The following SHISA6 variants were observed in gnomAD, a reference collection of about 807,000 sequenced individuals.
SHISA6 encodes protein shisa-6.
In SHISA6, 22 loss-of-function variants were observed where a neutral mutation model predicts 47.9. That is an observed-to-expected ratio of 0.46 (90% CI 0.33 to 0.66). SHISA6 has a LOEUF of 0.66. Among genes scored for constraint, SHISA6 ranks in the 30% least tolerant of loss-of-function variants. The probability of loss-of-function intolerance (pLI) is 0.02; values close to 1 mark genes in which losing one functional copy is unlikely to be tolerated. For synonymous variants in SHISA6, 388 were observed against 337.8 expected (o/e 1.15, Z -1.63); for missense variants, 680 against 764.6 (o/e 0.89, Z 1.30).
At chr17:11,244,469 G>C (rs1051642154) in intron 1 of SHISA6, among the ~76,000 whole-genome samples, 13 of 152,220 alleles carry the variant, frequency 8.5e-5, no homozygotes, top group South Asian at 2.1e-4. Flanking sequence ...TTGCTTCCGG[G>C]GCACGTCAGG....
At chr17:11,342,598 G>A (rs959388768) in intron 2 of SHISA6, among the ~76,000 whole-genome samples, 3 of 152,202 alleles carry the variant, frequency 2.0e-5, no homozygotes, top group African/African-American at 7.2e-5. Context: ...TTTCCCATTA[G>A]CAGAGCAGTA....
intron 3 of SHISA6, among the ~76,000 whole-genome samples, chr17:11,465,891 A>G (rs1302171032): frequency 6.6e-6 from 1 of 152,148 alleles, no homozygotes; most frequent in African/African-American, 2.4e-5. Flanking sequence ...TTGAGAATAG[A>G]GACTCAGTAG....
At chr17:11,435,480 C>G (rs961424198) in intron 3 of SHISA6, among the ~76,000 whole-genome samples, 2 of 151,964 alleles carry the variant, frequency 1.3e-5, no homozygotes, top group African/African-American at 4.8e-5. Flanking sequence ...ATTCAGAAAA[C>G]AGAGCTTATA....
intron 3 of SHISA6, among the ~76,000 whole-genome samples, chr17:11,528,905 T>C (rs1326821643): frequency 6.6e-6 from 1 of 152,158 alleles, no homozygotes; most frequent in Non-Finnish European, 1.5e-5. Context: ...GAAAATAGTC[T>C]TAAATGGCCG....
intron 2 of SHISA6, among the ~76,000 whole-genome samples, chr17:11,297,655 C>T (rs1909796506): frequency 1.3e-5 from 2 of 152,198 alleles, no homozygotes; most frequent in South Asian, 4.1e-4. Context: ...CTGGGCAATA[C>T]AGCCTTTGTT....
At chr17:11,523,792 G>A (rs1276912171) in intron 3 of SHISA6, among the ~76,000 whole-genome samples, 2 of 152,084 alleles carry the variant, frequency 1.3e-5, no homozygotes, top group Non-Finnish European at 2.9e-5. Flanking sequence ...GATCACCTGA[G>A]GTCAGGAGTT....
intron 3 of SHISA6, among the ~76,000 whole-genome samples, chr17:11,410,727 T>G (rs1420313944): frequency 1.3e-5 from 2 of 152,136 alleles, no homozygotes; most frequent in African/African-American, 4.8e-5. Flanking sequence ...GTTGTCAAAG[T>G]GTGGTCCCTG....
chr17:11,490,473 G>T (rs1405679413), intron 3 of SHISA6, among the ~76,000 whole-genome samples: 1 of 152,102 alleles, frequency 6.6e-6, no homozygotes, highest in Admixed American at 6.5e-5. Flanking sequence ...GAGCAGGGAG[G>T]AATGAGGCCT....
chr17:11,271,996 G>C (rs192731183), intron 2 of SHISA6, among the ~76,000 whole-genome samples: 13 of 151,526 alleles, frequency 8.6e-5, no homozygotes, highest in Non-Finnish European at 1.8e-4. Context: ...TTCTCTCCCC[G>C]ACAGCCAAAC....
intron 3 of SHISA6, among the ~76,000 whole-genome samples, chr17:11,514,548 T>C (rs2071566778): frequency 6.6e-6 from 1 of 152,202 alleles, no homozygotes. Flanking sequence ...CATCTCTGCT[T>C]TCAGCCTCAT....
chr17:11,436,076 A>G (rs1348907482), intron 3 of SHISA6, among the ~76,000 whole-genome samples: 2 of 152,146 alleles, frequency 1.3e-5, no homozygotes, highest in African/African-American at 4.8e-5. Flanking sequence ...CCTGCAACCG[A>G]ATGTCAAGGG....
chr17:11,253,536 G>T (rs1367838935), intron 1 of SHISA6, among the ~76,000 whole-genome samples: 1 of 152,084 alleles, frequency 6.6e-6, no homozygotes, highest in Non-Finnish European at 1.5e-5. Flanking sequence ...AGTTGAGTTT[G>T]AAATCCTGCA....
chr17:11,321,103 G>C (rs1402571842), intron 2 of SHISA6, among the ~76,000 whole-genome samples: 1 of 152,210 alleles, frequency 6.6e-6, no homozygotes, highest in Non-Finnish European at 1.5e-5. Flanking sequence ...GCAGCTCAGT[G>C]ATATACTAGC....
intron 2 of SHISA6, among the ~76,000 whole-genome samples, chr17:11,350,171 TTTATTTATTTA>T (rs2142219854): frequency 9.5e-6 from 1 of 105,608 alleles, no homozygotes; most frequent in African/African-American, 4.0e-5. Flanking sequence ...TATTTATTTA[TTTATTTATTTA>T]TTTTTTTTTT....
intron 3 of SHISA6, among the ~76,000 whole-genome samples, chr17:11,458,558 G>A (rs533543428): frequency 6.6e-6 from 1 of 152,276 alleles, no homozygotes; most frequent in South Asian, 2.1e-4. Context: ...TGCTCTCCTG[G>A]AGGAGACCAA....
chr17:11,352,457 T>C (rs1247397203), intron 2 of SHISA6, among the ~76,000 whole-genome samples: 1 of 152,178 alleles, frequency 6.6e-6, no homozygotes, highest in Non-Finnish European at 1.5e-5. Context: ...AAATATTATT[T>C]ATTAGTGACT....
At chr17:11,280,202 C>T (rs9892139) in intron 2 of SHISA6, among the ~76,000 whole-genome samples, 1 of 152,118 alleles carries the variant, frequency 6.6e-6, no homozygotes, top group Non-Finnish European at 1.5e-5. Context: ...CTTTTAGGAT[C>T]TACGATGGCT....
intron 2 of SHISA6, among the ~76,000 whole-genome samples, chr17:11,296,035 A>G (rs1161237218): frequency 6.6e-6 from 1 of 151,346 alleles, no homozygotes; most frequent in Admixed American, 6.6e-5. Context: ...AAGGGCGCTG[A>G]TAAGCCAGAG....
At chr17:11,548,209 A>C (rs1019444409) in intron 3 of SHISA6, among the ~76,000 whole-genome samples, 7 of 152,178 alleles carry the variant, frequency 4.6e-5, no homozygotes, top group African/African-American at 1.7e-4. Flanking sequence ...ATGAAATAAC[A>C]CAAGCCAAGC....
Sources: allele counts gnomAD v4.1 joint callset (sites outside exome capture counted in the v4.1 genomes callset), GRCh38; gene constraint gnomAD v4.1.1; transcripts MANE v1.5; gene names NCBI Gene and HGNC (gene_info 2026-07-23, HGNC 2026-07-21).